RNF144A: variants seen among roughly 807,000 people sequenced by gnomAD.
RNF144A encodes E3 ubiquitin-protein ligase RNF144A.
In RNF144A, 11 loss-of-function variants were observed where a neutral mutation model predicts 38.7. The ratio of observed to expected loss-of-function variants is 0.28; its 90% CI spans 0.18 to 0.47. The LOEUF is 0.47. Ranked by LOEUF, RNF144A falls within the 20% of genes least tolerant of loss-of-function variation. The pLI, the probability that RNF144A is intolerant of heterozygous loss-of-function variation, is 0.99. For missense variants in RNF144A, 316 were observed against 377.2 expected, an observed-to-expected ratio of 0.84 and a Z score of 1.34; for synonymous variants, 149 against 143.9, an observed-to-expected ratio of 1.04 and a Z score of -0.25.
chr2:6,999,973 A>G lies in RNF144A; in HGVS notation c.135+2912A>G, dbSNP rs376447194. On this transcript the variant is annotated intron_variant, in intron 3 of 8. Transcript: ENST00000320892. Reference sequence around the variant, plus strand: ...AAGAGCAGGAGGAATGTACCAAGACATCCACAGCCAGAGACATACTGTCAC... The same window carrying G: ...AAGAGCAGGAGGAATGTACCAAGACGTCCACAGCCAGAGACATACTGTCAC... Among the ~76,000 whole-genome samples the G allele has an allele frequency of 1.3e-4, 20 of 152,344 alleles. No individual in the cohort carries two copies. The East Asian group carries it at 1.7e-3, about 13-fold the overall frequency.
chr2:6,999,709 G>T (rs1669980255), intron 3 of RNF144A, among the ~76,000 whole-genome samples: 1 of 152,152 alleles, frequency 6.6e-6, no homozygotes, highest in African/African-American at 2.4e-5. Context: ...GGAAGAACAT[G>T]TGTGAAGTCA....
At chr2:6,933,395 A>C (rs1468330186) in intron 1 of RNF144A, among the ~76,000 whole-genome samples, 1 of 152,232 alleles carries the variant, frequency 6.6e-6, no homozygotes, top group South Asian at 2.1e-4. Context: ...GCCTACTCTA[A>C]GGATTTGCTT....
chr2:7,051,101 G>A (rs1410475324), intron 6 of RNF144A, among the ~76,000 whole-genome samples: 1 of 152,208 alleles, frequency 6.6e-6, no homozygotes, highest in Non-Finnish European at 1.5e-5. Context: ...CTCCACAGGT[G>A]GTAGCAGAGA....
chr2:6,955,622 G>A (rs1451673330), intron 2 of RNF144A, among the ~76,000 whole-genome samples: 1 of 152,116 alleles, frequency 6.6e-6, no homozygotes, highest in Admixed American at 6.6e-5. Context: ...AATCATCACT[G>A]TGTCTAGATG....
At chr2:6,989,745 A>C (rs1669211173) in intron 2 of RNF144A, among the ~76,000 whole-genome samples, 1 of 152,000 alleles carries the variant, frequency 6.6e-6, no homozygotes, top group Non-Finnish European at 1.5e-5. Flanking sequence ...TCACCCATTC[A>C]AGCCTCCTCT....
intron 2 of RNF144A, among the ~76,000 whole-genome samples, chr2:6,995,314 T>A (rs1310572997): frequency 6.6e-6 from 1 of 152,198 alleles, no homozygotes. Context: ...ATCGTCAGAT[T>A]CCCTGTCTGC....
At chr2:7,001,965 G>A (rs414941) in intron 3 of RNF144A, among the ~76,000 whole-genome samples, 84,218 of 152,100 alleles carry the variant, frequency 0.55, 24,219 homozygotes, top group Non-Finnish European at 0.64. Context: ...GGGGCAATGG[G>A]TATAAAGTAT....
At chr2:7,058,270 C>G (rs1673816098) in intron 6 of RNF144A, among the ~76,000 whole-genome samples, 1 of 150,590 alleles carries the variant, frequency 6.6e-6, no homozygotes, top group Non-Finnish European at 1.5e-5. Context: ...AAAGGGTGCC[C>G]CAAGCCACGA....
chr2:6,938,404 C>A (rs1485562322), intron 1 of RNF144A, among the ~76,000 whole-genome samples: 1 of 151,862 alleles, frequency 6.6e-6, no homozygotes, highest in Non-Finnish European at 1.5e-5. Context: ...CCCGCCACCA[C>A]ACCCAGCTAA....
At chr2:7,032,708 G>A (rs1304410951) in intron 8 of RNF144A, among the ~76,000 whole-genome samples, 2 of 152,222 alleles carry the variant, frequency 1.3e-5, no homozygotes, top group Non-Finnish European at 2.9e-5. Flanking sequence ...AGTGGTATGG[G>A]ATCGAGGCCC....
chr2:6,923,018 G>A (rs13397645), intron 1 of RNF144A, among the ~76,000 whole-genome samples: 44,016 of 151,984 alleles, frequency 0.29, 6,976 homozygotes, highest in South Asian at 0.41. Flanking sequence ...ACCCTCCGTC[G>A]CTGACTGGTC....
At chr2:7,061,634 G>C (rs1275730458) in intron 6 of RNF144A, among the ~76,000 whole-genome samples, 2 of 152,182 alleles carry the variant, frequency 1.3e-5, no homozygotes, top group Non-Finnish European at 2.9e-5. Context: ...GTCTTCTGCT[G>C]TCAGAATTGC....
intron 3 of RNF144A, among the ~76,000 whole-genome samples, chr2:7,012,586 T>C (rs422341): frequency 0.27 from 40,578 of 152,168 alleles, 6,670 homozygotes; most frequent in Admixed American, 0.36. Context: ...CTGCTCATTG[T>C]TACAATGGTT....
In RNF144A at chr2:6,926,330, G is replaced by A. The variant is rs568143829; in HGVS notation, c.-212+8708G>A. On this transcript the variant is annotated intron_variant, in intron 1 of 8. Transcript: ENST00000320892. ...AGTGCCAGAGCTGGGCTGCGTGGCC[G>A]GCTCCTGGAGAAAGAGAAGGAGAGA... 1.1e-3 allele frequency among the ~76,000 whole-genome samples: 171 copies of A among 152,336 alleles called. 5 individuals carry two copies. The highest frequency in any genetic ancestry group is 6.1e-3 in the Admixed American group (93 of 15,306).
intron 6 of RNF144A, among the ~76,000 whole-genome samples, chr2:7,066,356 G>T (rs1674223878): frequency 6.6e-6 from 1 of 152,002 alleles, no homozygotes; most frequent in Admixed American, 6.6e-5. Flanking sequence ...CAAAGTGCTG[G>T]GATTACAGGC....
chr2:7,068,067 G>T, intron 6 of RNF144A: 1 of 400,340 alleles, frequency 2.5e-6, no homozygotes, highest in Non-Finnish European at 5.1e-6. Flanking sequence ...ACTTACCAGT[G>T]CTGTGCTCCG....
downstream of RNF144A, chr2:7,044,291 A>G (rs989555386): frequency 2.1e-5 from 15 of 720,418 alleles, no homozygotes; most frequent in East Asian, 1.3e-4. Context: ...AAAATATTCA[A>G]TGTGGGAACT....
chr2:6,960,543 A>G (rs899468836), intron 2 of RNF144A, among the ~76,000 whole-genome samples: 1 of 152,228 alleles, frequency 6.6e-6, no homozygotes, highest in African/African-American at 2.4e-5. Context: ...GTATAACACC[A>G]TCTTGAATTG....
chr2:6,960,750 G>C (rs929403661), intron 2 of RNF144A, among the ~76,000 whole-genome samples: 2 of 152,200 alleles, frequency 1.3e-5, no homozygotes, highest in African/African-American at 2.4e-5. Context: ...TCCCCGGTGT[G>C]GAGGTATGAG....
Sources: gnomAD v4.1 joint callset for allele counts (sites outside exome capture counted in the v4.1 genomes callset) on GRCh38, gnomAD v4.1.1 for gene constraint, MANE v1.5 for transcripts, NCBI Gene and HGNC (gene_info 2026-07-23, HGNC 2026-07-21) for gene names.